The following RUFY4 variants were observed in gnomAD, a reference collection of about 807,000 sequenced individuals.
RUFY4 encodes RUN and FYVE domain-containing protein 4.
RUFY4 carries 73 observed loss-of-function variants against 69.0 expected under a neutral mutation model. That is an observed-to-expected ratio of 1.06 (90% CI 0.88 to 1.29). The LOEUF (loss-of-function observed/expected upper bound fraction) is 1.29, where lower values mean the gene tolerates loss of function less well. Among genes scored for constraint, RUFY4 ranks in the 50% most tolerant of loss-of-function variants. The probability of loss-of-function intolerance (pLI) is 0.00; values close to 1 mark genes in which losing one functional copy is unlikely to be tolerated. For missense variants in RUFY4, 770 were observed against 705.6 expected (o/e 1.09, Z -1.03); for synonymous variants, 287 against 271.8 (o/e 1.06, Z -0.55).
At chr2:218,073,873 T>C in exon 6 of RUFY4, 1 of 1,613,924 alleles carries the variant, frequency 6.2e-7, no homozygotes, top group Non-Finnish European at 8.5e-7. Context: ...AAAACAAAGA[T>C]GCCCCAAAGA....
At position 218,075,939 on chromosome 2, in the gene RUFY4, C is replaced by T. The variant is rs541153250; in HGVS notation, c.1248+199C>T. Reference sequence around the variant, plus strand: ...ACAGTCCCCGCCTCTCCCTATTGCCCCACGCTAGACCCACTTTATTCGGCA... The same window carrying T: ...ACAGTCCCCGCCTCTCCCTATTGCCTCACGCTAGACCCACTTTATTCGGCA... On this transcript the variant is annotated intron_variant, in intron 7 of 10. Coordinates refer to ENST00000344321, the Ensembl canonical transcript of RUFY4. Among the ~76,000 whole-genome samples, 34 of 152,150 alleles carry T rather than the reference C, an allele frequency of 2.2e-4. No homozygotes were observed. The South Asian group carries it at 4.2e-3, about 19-fold the overall frequency.
At chr2:218,078,065 G>C (rs537849016) in intron 8 of RUFY4, among the ~76,000 whole-genome samples, 1 of 152,182 alleles carries the variant, frequency 6.6e-6, no homozygotes, top group Non-Finnish European at 1.5e-5. Context: ...TCTGAGCCAG[G>C]CCTGTCCTAG....
At chr2:218,041,745 G>A (rs1574491264) in intron 2 of RUFY4, among the ~76,000 whole-genome samples, 1 of 152,188 alleles carries the variant, frequency 6.6e-6, no homozygotes, top group East Asian at 1.9e-4. Context: ...AATAGCTTAA[G>A]TTTCACTTAT....
chr2:218,055,989 T>TA (rs1207066597), intron 2 of RUFY4, among the ~76,000 whole-genome samples: 6 of 152,332 alleles, frequency 3.9e-5, no homozygotes, highest in East Asian at 1.9e-4. Flanking sequence ...GAATCTGACC[T>TA]AAAAAAATCC....
chr2:218,042,157 G>A (rs992449800), intron 2 of RUFY4, among the ~76,000 whole-genome samples: 2 of 152,196 alleles, frequency 1.3e-5, no homozygotes, highest in African/African-American at 2.4e-5. Flanking sequence ...ACACACTTGG[G>A]ATATAAAGGC....
chr2:218,044,640 T>G (rs2106027999), intron 2 of RUFY4, among the ~76,000 whole-genome samples: 1 of 152,318 alleles, frequency 6.6e-6, no homozygotes, highest in South Asian at 2.1e-4. Flanking sequence ...TTCCTCTCTG[T>G]GTGTCCATGT....
chr2:218,057,078 CAAAA>C (rs1026307473), intron 2 of RUFY4, among the ~76,000 whole-genome samples: 1 of 124,368 alleles, frequency 8.0e-6, no homozygotes, highest in African/African-American at 3.0e-5. Context: ...GACTCTATCT[CAAAA>C]AAAAAAAAAA....
chr2:218,074,712 TATC>T (rs1191303682), intron 6 of RUFY4, among the ~76,000 whole-genome samples: 10 of 152,266 alleles, frequency 6.6e-5, no homozygotes, highest in African/African-American at 2.2e-4. Flanking sequence ...AACCGGGTAT[TATC>T]ATTCCCATTT....
chr2:218,074,282 G>T (rs1389360680), intron 6 of RUFY4, among the ~76,000 whole-genome samples: 2 of 152,252 alleles, frequency 1.3e-5, no homozygotes, highest in Admixed American at 1.3e-4. Context: ...GACCCAGGTT[G>T]CCCGGTTGAA....
At chr2:218,076,341 C>T in intron 7 of RUFY4, 86 bp from the exon 10 acceptor site, 1 of 1,492,358 alleles carries the variant, frequency 6.7e-7, no homozygotes. Flanking sequence ...CCTGGGGTCT[C>T]TCGGGAATGT....
At chr2:218,070,992 A>G in intron 2 of RUFY4, 133 bp downstream of exon 4, 1 of 671,912 alleles carries the variant, frequency 1.5e-6, no homozygotes. Flanking sequence ...CTCCCTCCTG[A>G]CACCTAACCT....
At chr2:218,046,207 A>G (rs1688824769) in intron 2 of RUFY4, among the ~76,000 whole-genome samples, 2 of 151,864 alleles carry the variant, frequency 1.3e-5, no homozygotes, top group South Asian at 4.1e-4. Context: ...GGGAATATTC[A>G]ATATCCTCTC....
chr2:218,040,180 C>G (rs1440125194), intron 2 of RUFY4, among the ~76,000 whole-genome samples: 2 of 152,156 alleles, frequency 1.3e-5, no homozygotes, highest in African/African-American at 4.8e-5. Context: ...ATAATGGATC[C>G]TCAACCCCAG....
chr2:218,070,182 GACC>G, upstream of RUFY4: 1 of 246,542 alleles, frequency 4.1e-6, no homozygotes, highest in South Asian at 5.6e-5. Flanking sequence ...ACCAAGTCAG[GACC>G]CAGAACACAG....
intron 2 of RUFY4, among the ~76,000 whole-genome samples, chr2:218,071,224 G>A (rs1449341596): frequency 6.6e-6 from 1 of 152,126 alleles, no homozygotes; most frequent in African/African-American, 2.4e-5. Context: ...TCAGACTTCA[G>A]CCTCTATATG....
chr2:218,073,438 C>A, intron 5 of RUFY4, 52 bp downstream of exon 7: 2 of 1,557,930 alleles, frequency 1.3e-6, no homozygotes, highest in Non-Finnish European at 1.7e-6. Flanking sequence ...GGTCCCATGG[C>A]CACCAAGGGT....
intron 2 of RUFY4, among the ~76,000 whole-genome samples, chr2:218,071,117 C>T (rs548233599): frequency 7.2e-5 from 11 of 152,324 alleles, no homozygotes; most frequent in African/African-American, 2.2e-4. Flanking sequence ...ACTGCTTAAA[C>T]TTTCAGAGGC....
chr2:218,066,695 AAACT>A (rs1336472658), upstream of RUFY4, among the ~76,000 whole-genome samples: 2 of 152,240 alleles, frequency 1.3e-5, no homozygotes, highest in Non-Finnish European at 2.9e-5. Context: ...ACATGTGTCC[AAACT>A]AACTAATTTG....
intron 2 of RUFY4, among the ~76,000 whole-genome samples, chr2:218,051,599 TG>T (rs2106031717): frequency 6.9e-6 from 1 of 144,140 alleles, no homozygotes; most frequent in East Asian, 2.0e-4. Flanking sequence ...CACAGAAAAG[TG>T]TAGGGCAGTA....
Sources: allele counts gnomAD v4.1 joint callset (sites outside exome capture counted in the v4.1 genomes callset), GRCh38; gene constraint gnomAD v4.1.1; transcripts MANE v1.5; gene names NCBI Gene and HGNC (gene_info 2026-07-23, HGNC 2026-07-21).